WWOX: variants seen among roughly 807,000 people sequenced by gnomAD.
WWOX encodes WW domain containing oxidoreductase.
Under a neutral mutation model 46.2 loss-of-function variants are expected in WWOX, and 69 were observed. The observed-to-expected ratio is 1.49, with a 90% CI of 1.23 to 1.82. WWOX has a LOEUF of 1.82. Among genes scored for constraint, WWOX ranks in the 40% most tolerant of loss-of-function variants. The pLI is 0.00. For synonymous variants in WWOX, 359 were observed against 202.6 expected, an observed-to-expected ratio of 1.77 and a Z score of -6.56; for missense variants, 919 against 542.6, an observed-to-expected ratio of 1.69 and a Z score of -6.89.
intron 5 of WWOX, among the ~76,000 whole-genome samples, chr16:78,307,974 A>C (rs1272879961): frequency 6.6e-6 from 1 of 152,184 alleles, no homozygotes; most frequent in Non-Finnish European, 1.5e-5. Context: ...CATGTGTGAC[A>C]CTCTGGAATG....
intron 8 of WWOX, chr16:78,891,277 C>T (rs75986053): frequency 6.6e-6 from 1 of 152,084 alleles, no homozygotes; most frequent in Non-Finnish European, 1.5e-5. Flanking sequence ...AAATCTCAGC[C>T]TAGTGCTTTC....
At chr16:78,647,454 C>T (rs1048156592) in intron 8 of WWOX, among the ~76,000 whole-genome samples, 1 of 152,104 alleles carries the variant, frequency 6.6e-6, no homozygotes, top group African/African-American at 2.4e-5. Context: ...TGATCATGGA[C>T]CCGTTCAGTA....
intron 8 of WWOX, chr16:78,896,532 A>G (rs944963785): frequency 3.3e-5 from 5 of 152,208 alleles, no homozygotes; most frequent in African/African-American, 1.2e-4. Flanking sequence ...ATAAGGTCAC[A>G]TAGCTAATGA....
At chr16:78,894,702 G>A (rs1024104810) in intron 8 of WWOX, among the ~76,000 whole-genome samples, 1 of 152,148 alleles carries the variant, frequency 6.6e-6, no homozygotes, top group African/African-American at 2.4e-5. Context: ...ACAATAGAGA[G>A]AATAGCATGG....
At chr16:78,600,349 T>C (rs535579703) in intron 8 of WWOX, among the ~76,000 whole-genome samples, 1 of 152,080 alleles carries the variant, frequency 6.6e-6, no homozygotes, top group South Asian at 2.1e-4. Flanking sequence ...TCAGCATAGC[T>C]GGAGGGGGGG....
intron 5 of WWOX, among the ~76,000 whole-genome samples, chr16:78,333,449 G>GTAATC (rs1292838511): frequency 6.6e-6 from 1 of 152,090 alleles, no homozygotes; most frequent in Non-Finnish European, 1.5e-5. Context: ...TTTAGTGAGT[G>GTAATC]TAATCTGTTC....
intron 8 of WWOX, among the ~76,000 whole-genome samples, chr16:78,968,112 CCGCGTGG>C (rs2046398013): frequency 6.7e-6 from 1 of 148,936 alleles, no homozygotes; most frequent in Non-Finnish European, 1.5e-5. Flanking sequence ...AGCGCGTGGT[CCGCGTGG>C]CACAGCGCGT....
chr16:78,941,864 T>C (rs1416587995), intron 8 of WWOX, among the ~76,000 whole-genome samples: 1 of 152,216 alleles, frequency 6.6e-6, no homozygotes, highest in Non-Finnish European at 1.5e-5. Context: ...ATGGTGGTTC[T>C]TTTTGCCCAC....
At chr16:79,162,864 C>T (rs146288648) in intron 8 of WWOX, among the ~76,000 whole-genome samples, 116 of 152,296 alleles carry the variant, frequency 7.6e-4, no homozygotes, top group African/African-American at 2.7e-3. Flanking sequence ...AGCTTCTAAG[C>T]CAAAGCAAAG....
At chr16:78,713,691 G>A (rs1230594469) in intron 8 of WWOX, among the ~76,000 whole-genome samples, 1 of 152,172 alleles carries the variant, frequency 6.6e-6, no homozygotes, top group Non-Finnish European at 1.5e-5. Context: ...GCCAAGGCAA[G>A]GGGCCTCCGG....
intron 8 of WWOX, among the ~76,000 whole-genome samples, chr16:78,794,522 C>G (rs1255825815): frequency 2.6e-5 from 4 of 152,160 alleles, no homozygotes; most frequent in Non-Finnish European, 5.9e-5. Context: ...TACCAATTTT[C>G]TCATCCAAAA....
chr16:78,810,873 C>T (rs757962431), intron 8 of WWOX, among the ~76,000 whole-genome samples: 1 of 152,200 alleles, frequency 6.6e-6, no homozygotes, highest in Non-Finnish European at 1.5e-5. Flanking sequence ...GTCATTTTGT[C>T]ATAATGCCAG....
At position 78,811,693 on chromosome 16, in the gene WWOX, C is replaced by G. The variant is rs372789992; in HGVS notation, c.1056+378941C>G. ...GCCCCCTTGTCCTCTTCTTATAAGG[C>G]TACTAATCCCCTCATGAGGGGACCC... On this transcript the variant is annotated intron_variant, in intron 8 of 8. Coordinates refer to ENST00000566780, the MANE Select transcript of WWOX (RefSeq NM_016373.4). Among the ~76,000 whole-genome samples, 6 of 151,998 alleles carry G rather than the reference C, an allele frequency of 3.9e-5. No homozygotes were observed. In the East Asian group the frequency reaches 7.8e-4, roughly 20 times the overall value.
rs77073400 is a variant in WWOX at position 78,945,792 on chromosome 16, T to G, written c.1057-265816T>G. Among the ~76,000 whole-genome samples the G allele has an allele frequency of 4.1e-3, 618 of 152,286 alleles. 5 individuals are homozygous for G. The highest frequency in any genetic ancestry group is 0.014 in the African/African-American group (581 of 41,538). Reference sequence around the variant, plus strand: ...TCATCTGGTATGTGTATTATGTTCTTGGTAGACAGAAGCTGTCTTTAGTTC... The same window carrying G: ...TCATCTGGTATGTGTATTATGTTCTGGGTAGACAGAAGCTGTCTTTAGTTC... On this transcript the variant is annotated intron_variant, in intron 8 of 8. Coordinates refer to ENST00000566780, the MANE Select transcript of WWOX (RefSeq NM_016373.4).
chr16:78,880,023 C>T (rs1469465059), intron 8 of WWOX, among the ~76,000 whole-genome samples: 4 of 152,040 alleles, frequency 2.6e-5, no homozygotes, highest in South Asian at 4.2e-4. Context: ...AATTTATAGT[C>T]AAAAGTAGAT....
chr16:78,335,024 T>C (rs2080855549), intron 5 of WWOX, among the ~76,000 whole-genome samples: 1 of 152,068 alleles, frequency 6.6e-6, no homozygotes, highest in African/African-American at 2.4e-5. Flanking sequence ...GGACCTGCAG[T>C]GTCAGCATCA....
intron 8 of WWOX, among the ~76,000 whole-genome samples, chr16:79,133,285 A>G (rs2049918133): frequency 6.6e-6 from 1 of 152,016 alleles, no homozygotes; most frequent in Non-Finnish European, 1.5e-5. Flanking sequence ...ACAGCCCTTT[A>G]CTTTCGTCAA....
intron 5 of WWOX, among the ~76,000 whole-genome samples, chr16:78,224,412 A>G (rs2036985222): frequency 6.6e-6 from 1 of 151,982 alleles, no homozygotes; most frequent in African/African-American, 2.4e-5. Flanking sequence ...TTAAAAAAAA[A>G]AAAGCCAGCC....
chr16:78,674,822 A>G (rs1329116537), intron 8 of WWOX, among the ~76,000 whole-genome samples: 1 of 114,910 alleles, frequency 8.7e-6, no homozygotes, highest in Non-Finnish European at 1.9e-5. Flanking sequence ...CTGATTTTTC[A>G]TTTTTCATTT....
Sources: allele counts gnomAD v4.1 joint callset (sites outside exome capture counted in the v4.1 genomes callset), GRCh38; gene constraint gnomAD v4.1.1; transcripts MANE v1.5; gene names NCBI Gene and HGNC (gene_info 2026-07-23, HGNC 2026-07-21).